PAG1: variants seen among roughly 807,000 people sequenced by gnomAD.
PAG1 encodes phosphoprotein membrane anchor with glycosphingolipid microdomains 1, also known as phosphoprotein associated with glycosphingolipid-enriched microdomains 1.
In PAG1, 23 loss-of-function variants were observed where a neutral mutation model predicts 31.7. The observed-to-expected ratio is 0.73, with a 90% CI of 0.52 to 1.03. The LOEUF (loss-of-function observed/expected upper bound fraction) is 1.03. Among genes scored for constraint, PAG1 ranks in the 50% least tolerant of loss-of-function variants. The pLI is 0.00. For synonymous variants in PAG1, 214 were observed against 210.3 expected, an observed-to-expected ratio of 1.02 and a Z score of -0.15; for missense variants, 473 against 540.7, an observed-to-expected ratio of 0.87 and a Z score of 1.24.
chr8:80,977,375 A>G (rs749402016), intron 8 of PAG1, among the ~76,000 whole-genome samples: 3 of 152,208 alleles, frequency 2.0e-5, no homozygotes, highest in Middle Eastern at 3.2e-3. Context: ...TCAGAAAGGC[A>G]AGTTCTCAGG....
intron 3 of PAG1, among the ~76,000 whole-genome samples, chr8:81,013,693 C>G (rs1808023297): frequency 6.6e-6 from 1 of 152,184 alleles, no homozygotes; most frequent in Non-Finnish European, 1.5e-5. Context: ...GATTCTCCTG[C>G]CTCAGCCTCT....
At chr8:81,000,098 CAG>C (rs1807759057) in intron 3 of PAG1, among the ~76,000 whole-genome samples, 1 of 152,170 alleles carries the variant, frequency 6.6e-6, no homozygotes, top group African/African-American at 2.4e-5. Flanking sequence ...ATGTTTCAGA[CAG>C]TGTGTATTTT....
intron 2 of PAG1, among the ~76,000 whole-genome samples, chr8:81,065,458 A>G (rs1445674462): frequency 2.6e-5 from 4 of 152,186 alleles, no homozygotes; most frequent in Non-Finnish European, 2.9e-5. Flanking sequence ...TTAGGGGAAA[A>G]AAACAACAAT....
intron 2 of PAG1, among the ~76,000 whole-genome samples, chr8:81,033,298 C>T (rs1318976158): frequency 2.0e-5 from 3 of 152,210 alleles, no homozygotes; most frequent in Non-Finnish European, 1.5e-5. Context: ...AGCTCCATTG[C>T]AAACTATCAT....
At chr8:81,020,339 T>C (rs950179225) in intron 3 of PAG1, among the ~76,000 whole-genome samples, 3 of 152,136 alleles carry the variant, frequency 2.0e-5, no homozygotes, top group Non-Finnish European at 2.9e-5. Context: ...TAGAATGATA[T>C]GGTTTGGCTA....
rs1809778183 is a variant in PAG1 at position 81,111,721 on chromosome 8, C to G, written c.-364G>C. On this transcript the variant is annotated 5_prime_UTR_variant, in exon 1 of 9. Coordinates refer to ENST00000220597, the MANE Select transcript of PAG1 (RefSeq NM_018440.4). ...GCAAGTGCAGGACCAGGCGCCGCCG[C>G]TCTGCACCAGTCGCCTTGGCTCAGC... 3 of 152,382 alleles carry G rather than the reference C, an allele frequency of 2.0e-5. No individual in the cohort carries two copies. The South Asian group carries it at 6.2e-4, about 32-fold the overall frequency. 9.4% of individuals were successfully genotyped at this position (152,382 alleles called of 1,614,324 possible).
At chr8:81,092,870 A>G (rs989262793) in intron 1 of PAG1, among the ~76,000 whole-genome samples, 4 of 152,208 alleles carry the variant, frequency 2.6e-5, no homozygotes, top group African/African-American at 4.8e-5. Context: ...ATGAGAATTG[A>G]CAGAGAAAGC....
intron 1 of PAG1, among the ~76,000 whole-genome samples, chr8:81,081,974 C>T (rs532757683): frequency 2.0e-5 from 3 of 152,154 alleles, no homozygotes; most frequent in South Asian, 2.1e-4. Context: ...AATCCTTGGC[C>T]GGGTATGGTG....
chr8:81,018,546 C>A (rs1011239058), intron 3 of PAG1, among the ~76,000 whole-genome samples: 1 of 152,196 alleles, frequency 6.6e-6, no homozygotes, highest in African/African-American at 2.4e-5. Context: ...GTGATTGAAT[C>A]ATAGGGGCAG....
chr8:81,017,790 T>C (rs1808097041), intron 3 of PAG1, among the ~76,000 whole-genome samples: 1 of 152,148 alleles, frequency 6.6e-6, no homozygotes, highest in African/African-American at 2.4e-5. Flanking sequence ...TTTAAAAAAA[T>C]ACCTCCAGAG....
rs1042369571 is a variant in PAG1 at position 81,043,506 on chromosome 8, G to C, written c.-174-13417C>G. Among the ~76,000 whole-genome samples, 3 of 151,148 alleles carry C rather than the reference G, an allele frequency of 2.0e-5. No homozygotes were observed. In the East Asian group the frequency reaches 5.8e-4, roughly 29 times the overall value. On this transcript the variant is annotated intron_variant, in intron 2 of 8. Transcript: ENST00000220597. ...GTTCATTTACTGTGTGTTAGAGAAT[G>C]TTCCATGTCAGTACATATAGGGTTA...
In PAG1 at chr8:80,991,349, C is replaced by T. The variant is rs116459452; in HGVS notation, c.177+130G>A. The T allele has an allele frequency of 1.9e-3, 1,402 of 719,538 alleles. 16 individuals carry two copies. In the African/African-American group the frequency reaches 0.022, roughly 11 times the overall value. The allele number at this position is 719,538 out of a possible 1,614,324, so 44.6% of individuals were successfully genotyped here. On this transcript the variant is annotated intron_variant, in intron 5 of 8. Transcript: ENST00000220597. The stretch of plus-strand genomic sequence containing the variant: ...CTACTGCATCCATTTCAGAAGCCAC[C>T]GTTTAACTTAGGCTTAGCTCTCCCC...
chr8:81,072,412 G>A (rs1809108801), intron 1 of PAG1, among the ~76,000 whole-genome samples: 1 of 152,154 alleles, frequency 6.6e-6, no homozygotes, highest in African/African-American at 2.4e-5. Context: ...AGAATTCTTT[G>A]TTTTGAGGGG....
chr8:81,008,316 T>G (rs1295132283), intron 3 of PAG1, among the ~76,000 whole-genome samples: 1 of 152,042 alleles, frequency 6.6e-6, no homozygotes, highest in Non-Finnish European at 1.5e-5. Context: ...TAAACAAACT[T>G]TAGGGGCAAC....
chr8:80,985,482 T>A (rs1455498993), intron 6 of PAG1, 105 bp from the exon 7 acceptor site: 64 of 1,178,956 alleles, frequency 5.4e-5, no homozygotes, highest in Non-Finnish European at 7.3e-5. Flanking sequence ...GCGTGCTTTT[T>A]ATTTAAGTCT....
At chr8:81,046,846 C>T (rs1052611846) in intron 2 of PAG1, among the ~76,000 whole-genome samples, 3 of 152,106 alleles carry the variant, frequency 2.0e-5, no homozygotes, top group Admixed American at 2.0e-4. Flanking sequence ...CCTCCTCCTA[C>T]CCCCCAACCC....
chr8:81,058,983 T>A (rs1808873790), intron 2 of PAG1, among the ~76,000 whole-genome samples: 1 of 152,148 alleles, frequency 6.6e-6, no homozygotes, highest in Non-Finnish European at 1.5e-5. Context: ...AAATATATAC[T>A]TCATTGCAAA....
At chr8:80,987,666 C>T (rs1807453884) in intron 5 of PAG1, 200 bp from the exon 6 acceptor site, 1 of 523,644 alleles carries the variant, frequency 1.9e-6, no homozygotes. Context: ...ATGAGTAGTA[C>T]TGAACCCTAT....
intron 2 of PAG1, among the ~76,000 whole-genome samples, chr8:81,050,022 A>G (rs1015251021): frequency 6.6e-6 from 1 of 152,246 alleles, no homozygotes; most frequent in Admixed American, 6.5e-5. Context: ...ACAGGATGGC[A>G]TGTTTAATGT....
Sources: gnomAD v4.1 joint callset for allele counts (sites outside exome capture counted in the v4.1 genomes callset) on GRCh38, gnomAD v4.1.1 for gene constraint, MANE v1.5 for transcripts, NCBI Gene and HGNC (gene_info 2026-07-23, HGNC 2026-07-21) for gene names.